Variants in TPO observed in about 807,000 individuals in gnomAD.
TPO encodes thyroid microsomal antigen.
In TPO, 78 loss-of-function variants were observed where a neutral mutation model predicts 96.9. That is an observed-to-expected ratio of 0.81 (90% confidence interval 0.67 to 0.97). The LOEUF is 0.97. TPO is among the 50% of genes least tolerant of loss of function. The pLI is 0.00. For missense variants in TPO, 1,252 were observed against 1,274.8 expected (o/e 0.98, Z 0.27); for synonymous variants, 547 against 538.0 (o/e 1.02, Z -0.23).
At chr2:1,454,265 A>G (rs532697009) in intron 6 of TPO, among the ~76,000 whole-genome samples, 1 of 152,326 alleles carries the variant, frequency 6.6e-6, no homozygotes, top group African/African-American at 2.4e-5. Flanking sequence ...CTATTTGGTC[A>G]AAAAATGGGT....
intron 1 of TPO, among the ~76,000 whole-genome samples, chr2:1,385,795 A>T (rs1661884758): frequency 6.6e-6 from 1 of 151,896 alleles, no homozygotes; most frequent in Non-Finnish European, 1.5e-5. Flanking sequence ...AGTTCTTTTA[A>T]TTGTGATGTT....
rs373618756 is a variant in TPO, at chr2:1,433,630, C to G, written c.349+23C>G. 14 of 1,610,862 alleles carry G rather than the reference C, an allele frequency of 8.7e-6. No homozygotes were observed. In the East Asian group the frequency reaches 1.6e-4, roughly 18 times the overall value. ...CGGGTAATGTGTGCCCCTCTCCCCA[C>G]TGAGGAGCGGCAACTCCCGAAGGAG... On this transcript the variant is annotated intron_variant, in intron 4 of 16. Coordinates refer to ENST00000329066, the MANE Select transcript of TPO (RefSeq NM_001206744.2).
Position 1,484,726 on chromosome 2 carries a change from TC to T in TPO, c.1471del (p.Arg491AlafsTer11). ...TVSNVFSTAA[F>X]RFGHATIHPL... is the part of the protein sequence containing the mutation. ...TCCAACGTGTTCTCCACAGCCGCCT[TC>T]CGCTTCGGCCATGCCACGATCCACC... is the stretch of plus-strand genomic sequence containing the variant. On this transcript the variant is annotated frameshift_variant, in exon 9 of 17. Coordinates refer to ENST00000329066, the MANE Select transcript of TPO (RefSeq NM_001206744.2). LOFTEE classifies it high-confidence loss of function. 1 of 1,614,048 alleles carries T rather than the reference TC, an allele frequency of 6.2e-7. No individual in the cohort carries two copies. The highest frequency in any genetic ancestry group is 8.5e-7 in the Non-Finnish European group (1 of 1,180,008).
intron 1 of TPO, among the ~76,000 whole-genome samples, chr2:1,401,810 A>C (rs1393589834): frequency 1.3e-5 from 2 of 152,200 alleles, no homozygotes; most frequent in Non-Finnish European, 1.5e-5. Flanking sequence ...TCTGCAGCAC[A>C]TCCTGAAAGT....
chr2:1,470,692 T>G (rs1339265750), intron 7 of TPO, among the ~76,000 whole-genome samples: 1 of 152,178 alleles, frequency 6.6e-6, no homozygotes, highest in African/African-American at 2.4e-5. Context: ...TCTGCCTCTG[T>G]TCCTAGATAA....
At chr2:1,456,623 C>T (rs545897776) in intron 7 of TPO, among the ~76,000 whole-genome samples, 17 of 142,196 alleles carry the variant, frequency 1.2e-4, no homozygotes, top group African/African-American at 4.3e-4. Context: ...CAGATGTGTA[C>T]ATAGCATGTA....
At chr2:1,397,009 TG>T in intron 1 of TPO, among the ~76,000 whole-genome samples, 1 of 151,386 alleles carries the variant, frequency 6.6e-6, no homozygotes. Context: ...AAATGAGACT[TG>T]CTATCCGTTC....
At chr2:1,494,653 C>G (rs577123334) in intron 11 of TPO, among the ~76,000 whole-genome samples, 4 of 152,184 alleles carry the variant, frequency 2.6e-5, no homozygotes, top group Admixed American at 2.6e-4. Flanking sequence ...GCATGCCCCC[C>G]GTAGAAGCAG....
intron 14 of TPO, among the ~76,000 whole-genome samples, chr2:1,507,643 G>C (rs1398810703): frequency 6.6e-6 from 1 of 151,624 alleles, no homozygotes; most frequent in Non-Finnish European, 1.5e-5. Context: ...TCTCTTTGAA[G>C]CAATTGTGAA....
chr2:1,469,192 G>T (rs1669156695), intron 7 of TPO, among the ~76,000 whole-genome samples: 1 of 152,094 alleles, frequency 6.6e-6, no homozygotes, highest in Non-Finnish European at 1.5e-5. Flanking sequence ...TTAACCTTCT[G>T]AATTCTTTTT....
At chr2:1,379,929 GAGAGTTTTA>G (rs1055954746) in intron 1 of TPO, among the ~76,000 whole-genome samples, 1 of 152,138 alleles carries the variant, frequency 6.6e-6, no homozygotes, top group African/African-American at 2.4e-5. Context: ...ACTGAGAGTC[GAGAGTTTTA>G]AGAGCAGTAT....
intron 14 of TPO, among the ~76,000 whole-genome samples, chr2:1,511,217 G>GTGCCACAGCACAGCCCTGCAGACTGGGGA (rs1558385611): frequency 1.8e-4 from 27 of 148,572 alleles, no homozygotes; most frequent in Non-Finnish European, 3.6e-4. Context: ...CAGACTGGGG[G>GTGCCACAGCACAGCCCTGCAGACTGGGGA]TGCCACAGCA....
At position 1,531,573 on chromosome 2, in the gene TPO, C is replaced by T. The variant is rs1254690004; in HGVS notation, c.2619-9021C>T. Among the ~76,000 whole-genome samples, 2 of 100,772 alleles carry T rather than the reference C, an allele frequency of 2.0e-5. 1 individual carries two copies. Among genetic ancestry groups the T allele is most frequent in the Non-Finnish European group, 4.2e-5 (2 of 47,642 alleles). 66.1% of individuals were successfully genotyped at this position (100,772 alleles called of 152,430 possible). ...TCTGTGCAAACTCCCCAAACCCCCA[C>T]ACTCTGTGCAACCGCCCCATATCCC... On this transcript the variant is annotated intron_variant, in intron 15 of 16. Transcript: ENST00000329066.
intron 1 of TPO, among the ~76,000 whole-genome samples, chr2:1,384,889 A>G (rs937598613): frequency 3.3e-5 from 5 of 152,214 alleles, no homozygotes; most frequent in African/African-American, 1.2e-4. Context: ...ACATCCCATC[A>G]ATACCTAATT....
chr2:1,522,584 C>G (rs868428374), intron 15 of TPO, among the ~76,000 whole-genome samples: 22 of 152,260 alleles, frequency 1.4e-4, no homozygotes, highest in African/African-American at 5.1e-4. Context: ...TGATGCCCAG[C>G]CATTCCCACT....
At chr2:1,540,543 C>T (rs779109425) in intron 15 of TPO, 51 bp from the exon 16 acceptor site, 15 of 1,607,756 alleles carry the variant, frequency 9.3e-6, no homozygotes, top group South Asian at 2.2e-5. Context: ...CTACCCTCCA[C>T]AGTCACGGTG....
At chr2:1,479,569 C>T (rs1391616562) in intron 8 of TPO, among the ~76,000 whole-genome samples, 3 of 152,170 alleles carry the variant, frequency 2.0e-5, no homozygotes, top group Admixed American at 6.5e-5. Context: ...CCAATTGTCA[C>T]GCACCCTGTT....
chr2:1,525,477 A>G (rs1334865809), intron 15 of TPO, among the ~76,000 whole-genome samples: 1 of 38,798 alleles, frequency 2.6e-5, no homozygotes, highest in Non-Finnish European at 4.6e-5. Flanking sequence ...AATTTCCCCC[A>G]CTGTGAGCAA....
intron 9 of TPO, among the ~76,000 whole-genome samples, chr2:1,486,779 T>G (rs1037616324): frequency 6.6e-6 from 1 of 151,918 alleles, no homozygotes; most frequent in African/African-American, 2.4e-5. Context: ...TCTCAAAAGT[T>G]GACCGGCTCC....
Sources: allele counts gnomAD v4.1 joint callset (sites outside exome capture counted in the v4.1 genomes callset), GRCh38; gene constraint gnomAD v4.1.1; transcripts MANE v1.5; gene names NCBI Gene and HGNC (gene_info 2026-07-23, HGNC 2026-07-21).